TTC27: variants seen among roughly 807,000 people sequenced by gnomAD.
TTC27 encodes the protein tetratricopeptide repeat domain 27.
TTC27 carries 79 observed loss-of-function variants against 115.9 expected under a neutral mutation model. The ratio of observed to expected loss-of-function variants is 0.68; its 90% CI spans 0.57 to 0.82. The LOEUF (loss-of-function observed/expected upper bound fraction) is 0.82, where lower values mean the gene tolerates loss of function less well. Among genes scored for constraint, TTC27 ranks in the 40% least tolerant of loss-of-function variants. TTC27 has a pLI of 0.00. For missense variants in TTC27, 1,054 were observed against 993.1 expected (o/e 1.06, Z -0.82); for synonymous variants, 401 against 356.0 (o/e 1.13, Z -1.42).
intron 5 of TTC27, among the ~76,000 whole-genome samples, chr2:32,663,046 C>T (rs750324590): frequency 1.3e-5 from 2 of 152,104 alleles, no homozygotes; most frequent in Non-Finnish European, 2.9e-5. Flanking sequence ...CTCGAGTGTC[C>T]CAGGTTGACC....
At chr2:32,758,961 C>T (rs903581094) in intron 13 of TTC27, among the ~76,000 whole-genome samples, 36 of 151,718 alleles carry the variant, frequency 2.4e-4, no homozygotes, top group East Asian at 3.9e-4. Flanking sequence ...TTAAGAAAAA[C>T]GTGTATTTAT....
chr2:32,770,727 T>G (rs1200570930), intron 13 of TTC27, among the ~76,000 whole-genome samples: 1 of 152,232 alleles, frequency 6.6e-6, no homozygotes, highest in Non-Finnish European at 1.5e-5. Context: ...TTAATCATCT[T>G]AGCGGTTTGT....
intron 7 of TTC27, among the ~76,000 whole-genome samples, chr2:32,671,176 A>T (rs550986009): frequency 6.6e-6 from 1 of 152,230 alleles, no homozygotes; most frequent in South Asian, 2.1e-4. Flanking sequence ...TCTCAGGGTT[A>T]CAAAGTTTTT....
At position 32,650,207 on chromosome 2, in the gene TTC27, C is replaced by G; in HGVS notation, c.614C>G (p.Thr205Ser). The G allele has an allele frequency of 6.2e-7, 1 of 1,613,870 alleles. No individual in the cohort carries two copies. Among genetic ancestry groups the G allele is most frequent in the Non-Finnish European group, 8.5e-7 (1 of 1,179,884 alleles). ...LLEERSPLLF[T>S]LAENCIDQVM... The stretch of plus-strand genomic sequence containing the variant: ...GAGGAACGCTCACCTCTGCTTTTTA[C>G]TCTTGCCGAAAACTGTATTGATCAA... The change falls in exon 5 of 20, where the codon ACT becomes AGT. Residue 205 changes from threonine to serine, a missense_variant. Transcript: ENST00000317907.
In TTC27 at chr2:32,817,503, A is replaced by G. The variant is rs779502575; in HGVS notation, c.2355A>G (p.Val785=). 3.1e-6 allele frequency: 5 copies of G among 1,614,042 alleles called. No homozygotes were observed. The African/African-American group carries it at 6.7e-5, about 22-fold the overall frequency. ...ACAAATCCAGTTCCCAAGAAGCTGT[A>G]CAAATGCTTTCTTCTGTTCGACTCA... ...SKNKSSSQEA[V]QMLSSVRLNL... The change falls in exon 19 of 20, where the codon GTA becomes GTG. Residue 785 remains valine, a synonymous_variant. Coordinates refer to ENST00000317907, the MANE Select transcript of TTC27 (RefSeq NM_017735.5).
chr2:32,660,566 G>A (rs1665508321), intron 5 of TTC27, among the ~76,000 whole-genome samples: 1 of 152,074 alleles, frequency 6.6e-6, no homozygotes, highest in Non-Finnish European at 1.5e-5. Context: ...ATGGACACAG[G>A]GAGGGGAACA....
chr2:32,720,824 C>G (rs1238066987), intron 10 of TTC27, among the ~76,000 whole-genome samples: 2 of 152,164 alleles, frequency 1.3e-5, no homozygotes, highest in Admixed American at 1.3e-4. Flanking sequence ...GTCATTTATT[C>G]TCTATTAAAG....
Position 32,650,155 on chromosome 2 carries a change from T to A in TTC27, c.562T>A (p.Cys188Ser), listed in dbSNP as rs746333096. ...GAGCTTGCCATGGTGGACTTTGAGA[T>A]GTGTGAATATTCATCAGCATTTGCT... Reference protein sequence around the residue: ...IQSLPWWTLRCVNIHQHLLEE... With the variant: ...IQSLPWWTLRSVNIHQHLLEE... Residue 188 changes from cysteine to serine, a missense_variant, in exon 5 of 20, where the codon TGT becomes AGT. Transcript: ENST00000317907. 9.9e-6 allele frequency: 16 copies of A among 1,613,734 alleles called. No individual in the cohort carries two copies. Among genetic ancestry groups the A allele is most frequent in the Admixed American group, 6.7e-5 (4 of 59,980 alleles).
chr2:32,659,020 A>C (rs1665434980), intron 5 of TTC27, among the ~76,000 whole-genome samples: 1 of 152,320 alleles, frequency 6.6e-6, no homozygotes, highest in East Asian at 1.9e-4. Flanking sequence ...ACTGGAATGC[A>C]GTGGCATGAT....
intron 3 of TTC27, among the ~76,000 whole-genome samples, chr2:32,637,624 C>G (rs1021389636): frequency 1.3e-5 from 2 of 152,168 alleles, no homozygotes; most frequent in African/African-American, 4.8e-5. Context: ...AGCCACCGGG[C>G]CTGGCCAGGA....
chr2:32,718,683 T>C (rs972838218), intron 10 of TTC27, among the ~76,000 whole-genome samples: 4 of 152,132 alleles, frequency 2.6e-5, no homozygotes, highest in African/African-American at 9.7e-5. Flanking sequence ...TGTAGCAGTG[T>C]GGGTCTCATT....
chr2:32,745,588 C>G (rs1398521696), intron 12 of TTC27, among the ~76,000 whole-genome samples: 1 of 151,722 alleles, frequency 6.6e-6, no homozygotes, highest in African/African-American at 2.4e-5. Flanking sequence ...GTTTAATGAC[C>G]TAAATCTGAA....
At chr2:32,709,213 G>T (rs1667490221) in intron 10 of TTC27, among the ~76,000 whole-genome samples, 1 of 152,124 alleles carries the variant, frequency 6.6e-6, no homozygotes, top group African/African-American at 2.4e-5. Context: ...CCTCCAAGAG[G>T]TAGAGATTAA....
chr2:32,635,513 C>T (rs531305233), intron 3 of TTC27, among the ~76,000 whole-genome samples: 7 of 152,006 alleles, frequency 4.6e-5, no homozygotes, highest in Non-Finnish European at 7.4e-5. Context: ...GGTGAAACTC[C>T]GTCTTACTAA....
At chr2:32,666,094 T>G (rs1049918264) in intron 6 of TTC27, among the ~76,000 whole-genome samples, 1 of 152,162 alleles carries the variant, frequency 6.6e-6, no homozygotes, top group African/African-American at 2.4e-5. Flanking sequence ...TTGGAACTTT[T>G]GCTTTTCTTA....
At chr2:32,781,991 G>T (rs1484199269) in intron 14 of TTC27, among the ~76,000 whole-genome samples, 1 of 152,178 alleles carries the variant, frequency 6.6e-6, no homozygotes, top group Non-Finnish European at 1.5e-5. Context: ...AGTCATATGT[G>T]TGGGACTTGA....
chr2:32,666,707 G>A lies in TTC27; in HGVS notation c.878G>A (p.Gly293Glu). 2.5e-6 allele frequency: 4 copies of A among 1,613,974 alleles called. No individual in the cohort carries two copies. The highest frequency in any genetic ancestry group is 3.4e-6 in the Non-Finnish European group (4 of 1,179,962). ...CTGATTCTAGATGTAAGAAGGGAAG[G>A]GGATGTCCTTTCAAATTGTGAATTC... The part of the protein sequence containing the change: ...AQLILDVRRE[G>E]DVLSNCEFTP... The change falls in exon 7 of 20, where the codon GGG becomes GAG. Residue 293 changes from glycine (G) to glutamate (E), a missense_variant. Transcript: ENST00000317907.
intron 5 of TTC27, 68 bp from the exon 6 acceptor site, chr2:32,664,233 ACT>A (rs1316264364): frequency 7.5e-7 from 1 of 1,341,458 alleles, no homozygotes; most frequent in Non-Finnish European, 1.0e-6. Flanking sequence ...TGTATTATAG[ACT>A]CTATTTTACA....
intron 12 of TTC27, among the ~76,000 whole-genome samples, chr2:32,752,783 G>A (rs1669062494): frequency 6.6e-6 from 1 of 152,142 alleles, no homozygotes; most frequent in African/African-American, 2.4e-5. Flanking sequence ...GAGAACTTCT[G>A]TTATTTAAAT....
Sources: allele counts gnomAD v4.1 joint callset (sites outside exome capture counted in the v4.1 genomes callset), GRCh38; gene constraint gnomAD v4.1.1; transcripts MANE v1.5; gene names NCBI Gene and HGNC (gene_info 2026-07-23, HGNC 2026-07-21).